Variants in NFIB observed in about 807,000 individuals in gnomAD.
NFIB encodes nuclear factor 1 B-type.
A neutral mutation model predicts 61.5 loss-of-function variants in NFIB; 11 were observed. That is an observed-to-expected ratio of 0.18 (90% CI 0.11 to 0.30). The LOEUF (loss-of-function observed/expected upper bound fraction) is 0.30, where lower values mean the gene tolerates loss of function less well. Ranked by LOEUF, NFIB falls within the 10% of genes least tolerant of loss-of-function variation. NFIB has a pLI of 1.00. For synonymous variants in NFIB, 260 were observed against 216.5 expected (o/e 1.20, Z -1.76); for missense variants, 471 against 608.9 (o/e 0.77, Z 2.38).
chr9:14,375,698 C>G (rs1337713817), intron 1 of NFIB, among the ~76,000 whole-genome samples: 1 of 151,946 alleles, frequency 6.6e-6, no homozygotes, highest in East Asian at 1.9e-4. Flanking sequence ...TTTTCACTTA[C>G]AGCTCATTGG....
chr9:14,097,559 T>G (rs530748262), intron 10 of NFIB, among the ~76,000 whole-genome samples: 1 of 152,140 alleles, frequency 6.6e-6, no homozygotes, highest in African/African-American at 2.4e-5. Flanking sequence ...CTCTTTATAT[T>G]ACCTAAGGAC....
chr9:14,274,686 C>T (rs1231271735), intron 2 of NFIB, among the ~76,000 whole-genome samples: 1 of 152,196 alleles, frequency 6.6e-6, no homozygotes. Context: ...GATCACATTT[C>T]TCTAGAGCAA....
chr9:14,461,005 G>A, the NFIB span, among the ~76,000 whole-genome samples: 47 of 132,294 alleles, frequency 3.6e-4, no homozygotes, highest in South Asian at 4.0e-3. Flanking sequence ...TTAGAGGATC[G>A]TACTTCTTTT....
intron 2 of NFIB, among the ~76,000 whole-genome samples, chr9:14,258,013 C>T (rs1266931219): frequency 6.6e-6 from 1 of 151,958 alleles, no homozygotes; most frequent in Admixed American, 6.6e-5. Context: ...GTGGACTTCC[C>T]CCATATTTAT....
At chr9:14,505,064 C>T in the NFIB span, among the ~76,000 whole-genome samples, 2 of 152,270 alleles carry the variant, frequency 1.3e-5, no homozygotes, top group South Asian at 2.1e-4. Context: ...ATCTCAAATA[C>T]TTTTTCTGCA....
intron 1 of NFIB, among the ~76,000 whole-genome samples, chr9:14,385,524 A>G (rs1193969667): frequency 1.3e-5 from 2 of 152,214 alleles, no homozygotes; most frequent in Admixed American, 6.5e-5. Flanking sequence ...TAACTTTTAA[A>G]AAGCATTTGA....
chr9:14,354,556 G>T (rs1184826035), intron 1 of NFIB, among the ~76,000 whole-genome samples: 3 of 152,132 alleles, frequency 2.0e-5, no homozygotes, highest in Admixed American at 2.0e-4. Context: ...GTCTCTCTAA[G>T]GGGCTACATG....
intron 1 of NFIB, among the ~76,000 whole-genome samples, chr9:14,383,079 A>G (rs752392089): frequency 9.5e-5 from 11 of 115,280 alleles, no homozygotes; most frequent in Non-Finnish European, 1.6e-4. Context: ...CCAAAGGAAT[A>G]TGACAAAAAA....
intron 1 of NFIB, among the ~76,000 whole-genome samples, chr9:14,347,766 T>TC (rs1276728089): frequency 6.6e-6 from 1 of 151,920 alleles, no homozygotes; most frequent in Non-Finnish European, 1.5e-5. Context: ...CGGTTTTTTT[T>TC]CCGTGCAGAA....
At chr9:14,423,006 C>A in the NFIB span, among the ~76,000 whole-genome samples, 22 of 152,234 alleles carry the variant, frequency 1.4e-4, no homozygotes, top group African/African-American at 4.8e-4. Context: ...TTTTTAAGAG[C>A]TATATGGATT....
intron 2 of NFIB, among the ~76,000 whole-genome samples, chr9:14,305,142 T>C (rs2059952479): frequency 6.6e-6 from 1 of 152,228 alleles, no homozygotes; most frequent in African/African-American, 2.4e-5. Context: ...TGCGTTTTTT[T>C]TCTTTTTTCA....
intron 10 of NFIB, among the ~76,000 whole-genome samples, chr9:14,091,389 G>T (rs1034335745): frequency 5.3e-5 from 8 of 151,960 alleles, no homozygotes; most frequent in African/African-American, 1.4e-4. Context: ...AGGTAAAAAT[G>T]TAATAGTGCT....
intron 8 of NFIB, among the ~76,000 whole-genome samples, chr9:14,118,869 C>T (rs1473710852): frequency 1.3e-5 from 2 of 149,128 alleles, no homozygotes; most frequent in African/African-American, 4.9e-5. Flanking sequence ...GGCAGATTAT[C>T]ACCTAATATG....
chr9:14,255,550 G>C (rs747475580), intron 2 of NFIB, among the ~76,000 whole-genome samples: 4 of 152,138 alleles, frequency 2.6e-5, no homozygotes, highest in African/African-American at 9.7e-5. Context: ...CCAGATATGG[G>C]CTGGTAAGAA....
chr9:14,430,657 C>A, the NFIB span, among the ~76,000 whole-genome samples: 1 of 152,212 alleles, frequency 6.6e-6, no homozygotes, highest in Non-Finnish European at 1.5e-5. Context: ...TCTCAGCTTA[C>A]TGCAACCTCT....
At position 14,086,163 on chromosome 9, in the gene NFIB, G is replaced by C. The variant is rs2032834101; in HGVS notation, c.*2146C>G. ...GAAGTTTGTCACAGTAGGCAGAACA[G>C]TCGCTTTGCAGCCCAGGCCCATCTC... On this transcript the variant is annotated 3_prime_UTR_variant, in exon 11 of 11. Coordinates refer to ENST00000380953, the MANE Select transcript of NFIB (RefSeq NM_001190737.2). 1.3e-5 allele frequency: 3 copies of C among 223,872 alleles called. No homozygotes were observed. In the Admixed American group the frequency reaches 1.7e-4, roughly 13 times the overall value. The allele number at this position is 223,872 out of a possible 1,614,324, so 13.9% of individuals were successfully genotyped here. A position where few individuals can be genotyped will look rare whatever the true frequency, so the allele number is the denominator to read the frequency against.
intron 10 of NFIB, among the ~76,000 whole-genome samples, chr9:14,097,486 A>C (rs1330879823): frequency 6.6e-6 from 1 of 152,222 alleles, no homozygotes; most frequent in African/African-American, 2.4e-5. Flanking sequence ...AACTGAGAGC[A>C]GGAAATGCTA....
the NFIB span, among the ~76,000 whole-genome samples, chr9:14,466,404 G>C: frequency 6.6e-6 from 1 of 152,154 alleles, no homozygotes; most frequent in Non-Finnish European, 1.5e-5. Context: ...GGCACTGGGG[G>C]TGTGCAGATG....
At chr9:14,234,794 TTTTTTTTTTGG>T (rs1563929859) in intron 2 of NFIB, among the ~76,000 whole-genome samples, 1 of 113,550 alleles carries the variant, frequency 8.8e-6, no homozygotes, top group African/African-American at 4.1e-5. Context: ...TTCGTTGAAA[TTTTTTTTTTGG>T]TTTTTTTTTT....
Sources: allele counts gnomAD v4.1 joint callset (sites outside exome capture counted in the v4.1 genomes callset), GRCh38; gene constraint gnomAD v4.1.1; transcripts MANE v1.5; gene names NCBI Gene and HGNC (gene_info 2026-07-23, HGNC 2026-07-21).